The following PCLO variants were observed in gnomAD, a reference collection of about 807,000 sequenced individuals.
The protein encoded by PCLO is piccolo presynaptic cytomatrix protein, also known as protein piccolo.
A neutral mutation model predicts 427.5 loss-of-function variants in PCLO; 82 were observed. The ratio of observed to expected loss-of-function variants is 0.19; its 90% CI spans 0.16 to 0.23. The LOEUF (loss-of-function observed/expected upper bound fraction) is 0.23, where lower values mean the gene tolerates loss of function less well. Ranked by LOEUF, PCLO falls within the 10% of genes least tolerant of loss-of-function variation. The pLI, the probability that PCLO is intolerant of heterozygous loss-of-function variation, is 1.00. For synonymous variants in PCLO, 2,357 were observed against 2,155.4 expected, an observed-to-expected ratio of 1.09 and a Z score of -2.59; for missense variants, 6,239 against 6,115.9, an observed-to-expected ratio of 1.02 and a Z score of -0.67.
intron 3 of PCLO, among the ~76,000 whole-genome samples, chr7:83,102,492 G>A (rs1018651170): frequency 6.6e-6 from 1 of 151,824 alleles, no homozygotes; most frequent in African/African-American, 2.4e-5. Flanking sequence ...AGAATACTAG[G>A]TTGGTGGAAA....
rs894836626 is a variant in PCLO at position 83,136,714 on chromosome 7, G to A, written c.1894-1058C>T. 5.3e-5 allele frequency among the ~76,000 whole-genome samples: 8 copies of A among 152,030 alleles called. No individual in the cohort carries two copies. The East Asian group carries it at 1.4e-3, about 26-fold the overall frequency. ...TGAAAAAGCAATATGAGTAAGTAAC[G>A]TACATATTTGACTGGTGATATATAC... On this transcript the variant is annotated intron_variant, in intron 2 of 24. Coordinates refer to ENST00000333891, the MANE Select transcript of PCLO (RefSeq NM_033026.6).
chr7:83,156,587 G>C (rs1397795854), intron 1 of PCLO, among the ~76,000 whole-genome samples, 195 bp from the exon 2 acceptor site: 1 of 151,276 alleles, frequency 6.6e-6, no homozygotes, highest in Non-Finnish European at 1.5e-5. Context: ...TAAATGGGTA[G>C]AGATTTTCAA....
Position 82,955,765 on chromosome 7 carries a change from A to G in PCLO, c.5188T>C (p.Ser1730Pro), listed in dbSNP as rs1418322951. Reference sequence around the variant, plus strand: ...TCAAGTGATGATACTGATGTAGGGGATGTACCAGGAGTGAAGCTGGAAGCA... The same window carrying G: ...TCAAGTGATGATACTGATGTAGGGGGTGTACCAGGAGTGAAGCTGGAAGCA... ...LHASSFTPGT[S>P]PTSVSSLDED... Residue 1730 changes from serine to proline, a missense_variant, in exon 5 of 25, where the codon TCC (serine) becomes CCC (proline). Around this residue, in one of 5 missense-constraint regions of PCLO, gnomAD observed 4,677 missense variants for 4,468.4 expected, o/e 1.05. Transcript: ENST00000333891. 6.2e-7 allele frequency: 1 copy of G among 1,613,862 alleles called. No individual in the cohort carries two copies. Among genetic ancestry groups the G allele is most frequent in the Non-Finnish European group, 8.5e-7 (1 of 1,179,854 alleles).
chr7:83,077,919 T>C (rs760374841), intron 3 of PCLO, among the ~76,000 whole-genome samples: 1 of 152,042 alleles, frequency 6.6e-6, no homozygotes, highest in Admixed American at 6.5e-5. Flanking sequence ...TAATGGGAAA[T>C]ACCCAAATCC....
intron 20 of PCLO, among the ~76,000 whole-genome samples, chr7:82,816,506 G>A (rs547381228): frequency 6.6e-6 from 1 of 152,072 alleles, no homozygotes; most frequent in African/African-American, 2.4e-5. Flanking sequence ...GTAATTTGAT[G>A]AACTAACTTT....
chr7:82,997,731 G>C (rs1485780860), intron 3 of PCLO, among the ~76,000 whole-genome samples: 1 of 152,010 alleles, frequency 6.6e-6, no homozygotes, highest in Non-Finnish European at 1.5e-5. Context: ...GAACCTGGCA[G>C]GGTACTGTCA....
chr7:82,999,870 A>T (rs1171977807), intron 3 of PCLO, among the ~76,000 whole-genome samples: 1 of 102,792 alleles, frequency 9.7e-6, no homozygotes, highest in Non-Finnish European at 1.9e-5. Context: ...TATAAAATAT[A>T]ATATATAATA....
chr7:83,093,416 C>T (rs1790431689), intron 3 of PCLO, among the ~76,000 whole-genome samples: 1 of 147,436 alleles, frequency 6.8e-6, no homozygotes, highest in African/African-American at 2.5e-5. Context: ...TTACACTTGC[C>T]TTATTTCTAA....
chr7:83,029,964 G>A (rs1380401669), intron 3 of PCLO, among the ~76,000 whole-genome samples: 1 of 118,024 alleles, frequency 8.5e-6, no homozygotes, highest in African/African-American at 3.2e-5. Flanking sequence ...ACTGTTGTGG[G>A]GTGGGGGGAG....
At chr7:82,866,606 G>A (rs1380896807) in intron 10 of PCLO, among the ~76,000 whole-genome samples, 1 of 150,908 alleles carries the variant, frequency 6.6e-6, no homozygotes, top group Non-Finnish European at 1.5e-5. Context: ...TAGCTTAAGA[G>A]AAAAATAAAG....
At chr7:82,965,224 A>G (rs1795737007) in intron 4 of PCLO, among the ~76,000 whole-genome samples, 1 of 152,098 alleles carries the variant, frequency 6.6e-6, no homozygotes, top group Non-Finnish European at 1.5e-5. Flanking sequence ...AATCATGCTA[A>G]ATATTAAACT....
chr7:82,940,902 AC>A (rs2093855096), intron 6 of PCLO, among the ~76,000 whole-genome samples: 1 of 151,332 alleles, frequency 6.6e-6, no homozygotes, highest in Admixed American at 6.6e-5. Flanking sequence ...AGCTGGGACT[AC>A]AGGTGCTTGC....
intron 22 of PCLO, among the ~76,000 whole-genome samples, chr7:82,775,891 G>C (rs1780901268): frequency 6.6e-6 from 1 of 152,096 alleles, no homozygotes; most frequent in Admixed American, 6.5e-5. Flanking sequence ...TGAGTTCTGT[G>C]TCTAGGTTAA....
chr7:82,794,448 A>AC (rs1791172316), intron 22 of PCLO, among the ~76,000 whole-genome samples: 1 of 53,820 alleles, frequency 1.9e-5, no homozygotes, highest in Non-Finnish European at 6.0e-5. Flanking sequence ...GCTAGTTCAT[A>AC]AATTTTTTTT....
chr7:83,081,520 A>T (rs1790100150), intron 3 of PCLO, among the ~76,000 whole-genome samples: 1 of 151,906 alleles, frequency 6.6e-6, no homozygotes, highest in Non-Finnish European at 1.5e-5. Context: ...ATATCTGAAA[A>T]ATTTAGACCT....
At chr7:82,869,014 C>T (rs147316824) in intron 10 of PCLO, among the ~76,000 whole-genome samples, 1 of 152,016 alleles carries the variant, frequency 6.6e-6, no homozygotes, top group Non-Finnish European at 1.5e-5. Context: ...AAAAGTATCA[C>T]GATGGTAATG....
intron 3 of PCLO, among the ~76,000 whole-genome samples, chr7:83,057,410 G>A (rs1174901202): frequency 1.6e-5 from 2 of 123,536 alleles, no homozygotes; most frequent in African/African-American, 6.3e-5. Context: ...CACCCAGGCT[G>A]GAGTGCAGTG....
At position 82,943,598 on chromosome 7, in the gene PCLO, C is replaced by T. The variant is rs78139166; in HGVS notation, c.11112+5878G>A. On this transcript the variant is annotated intron_variant, in intron 6 of 24. Coordinates refer to ENST00000333891, the MANE Select transcript of PCLO (RefSeq NM_033026.6). The stretch of plus-strand genomic sequence containing the variant: ...CAATAGATAATGTCACTTTTCTCCC[C>T]GACTCTGTAGAGAGCATGCTACACT... Among the ~76,000 whole-genome samples, 974 of 152,148 alleles carry T rather than the reference C, an allele frequency of 6.4e-3. 15 individuals are homozygous for T. Among genetic ancestry groups the T allele is most frequent in the African/African-American group, 0.022 (906 of 41,510 alleles).
intron 3 of PCLO, among the ~76,000 whole-genome samples, chr7:82,989,457 A>G (rs1468281272): frequency 1.3e-5 from 2 of 152,146 alleles, no homozygotes; most frequent in South Asian, 2.1e-4. Context: ...CTAATTCCTT[A>G]AAAGTATATA....
Sources: allele counts gnomAD v4.1 joint callset (sites outside exome capture counted in the v4.1 genomes callset), GRCh38; gene constraint gnomAD v4.1.1; regional missense constraint gnomAD v4.1.1; transcripts MANE v1.5; gene names NCBI Gene and HGNC (gene_info 2026-07-23, HGNC 2026-07-21).